AKAP13: variants seen among roughly 807,000 people sequenced by gnomAD.
The protein encoded by AKAP13 is A-kinase anchor protein 13.
Under a neutral mutation model 264.5 loss-of-function variants are expected in AKAP13, and 80 were observed. That is an observed-to-expected ratio of 0.30 (90% CI 0.25 to 0.36). AKAP13 has a LOEUF of 0.36. AKAP13 is among the 10% of genes least tolerant of loss of function. The pLI is 1.00. For missense variants in AKAP13, 3,712 were observed against 3,435.2 expected, an observed-to-expected ratio of 1.08 and a Z score of -2.01; for synonymous variants, 1,380 against 1,250.2, an observed-to-expected ratio of 1.10 and a Z score of -2.19.
chr15:85,676,535 A>C (rs933929401), intron 14 of AKAP13, among the ~76,000 whole-genome samples: 1 of 152,334 alleles, frequency 6.6e-6, no homozygotes, highest in African/African-American at 2.4e-5. Flanking sequence ...GAATGAGCCT[A>C]GATCTAAACA....
intron 31 of AKAP13, 139 bp downstream of exon 31, chr15:85,735,289 T>C: frequency 8.3e-7 from 1 of 1,209,580 alleles, no homozygotes; most frequent in Non-Finnish European, 1.1e-6. Flanking sequence ...ACTCAAGAGC[T>C]TGTCAGTCAG....
intron 14 of AKAP13, among the ~76,000 whole-genome samples, chr15:85,678,434 A>G (rs906752772): frequency 6.6e-6 from 1 of 152,216 alleles, no homozygotes; most frequent in African/African-American, 2.4e-5. Flanking sequence ...AGGATTTGGT[A>G]TATTTTTCAC....
intron 13 of AKAP13, among the ~76,000 whole-genome samples, chr15:85,668,492 G>C (rs746398849): frequency 6.6e-6 from 1 of 152,210 alleles, no homozygotes; most frequent in African/African-American, 2.4e-5. Flanking sequence ...AATTTACTGA[G>C]AGAGTTAAAT....
intron 34 of AKAP13, among the ~76,000 whole-genome samples, chr15:85,740,777 C>CG (rs200828623): frequency 3.9e-5 from 1 of 25,382 alleles, no homozygotes; most frequent in Non-Finnish European, 1.7e-4. Flanking sequence ...ACACAACCAC[C>CG]CCCCCCCCCA....
At chr15:85,462,889 T>G (rs2074571487) in intron 1 of AKAP13, among the ~76,000 whole-genome samples, 1 of 149,568 alleles carries the variant, frequency 6.7e-6, no homozygotes, top group Non-Finnish European at 1.5e-5. Flanking sequence ...CCGGGCGTAG[T>G]GGCGGGCACC....
In AKAP13 at chr15:85,718,119, G is replaced by A. The variant is rs774538190; in HGVS notation, c.5961G>A (p.Gln1987=). The A allele has an allele frequency of 6.2e-7, 1 of 1,614,148 alleles. No homozygotes were observed. The highest frequency in any genetic ancestry group is 1.1e-5 in the South Asian group (1 of 91,088). Reference sequence around the variant, plus strand: ...TAATAGACAGCAAGTTTCTAAAACAGCAAAAGAAAGATGTGGTCAAACGGC... The same window carrying A: ...TAATAGACAGCAAGTTTCTAAAACAACAAAAGAAAGATGTGGTCAAACGGC... The part of the protein sequence containing the change: ...SRIIDSKFLK[Q]QKKDVVKRQE... Residue 1987 remains glutamine (Q), a synonymous_variant, in exon 22 of 37, where the codon CAG becomes CAA. Coordinates refer to ENST00000394518, the MANE Select transcript of AKAP13 (RefSeq NM_007200.5). This position sits in a 1 kb window ranked among gnomAD's most constrained non-coding sequence, Gnocchi z 4.9.
chr15:85,480,612 T>G lies in AKAP13; in HGVS notation c.-11-5098T>G, dbSNP rs147020730. On this transcript the variant is annotated intron_variant, in intron 1 of 36. Coordinates refer to ENST00000394518, the MANE Select transcript of AKAP13 (RefSeq NM_007200.5). ...TTACTTTCCTGTATTGAGATGTAGGTGGTGGGGGTGGGGGGGTTAAGCTGA... is the reference window on the plus strand; with the variant it reads ...TTACTTTCCTGTATTGAGATGTAGGGGGTGGGGGTGGGGGGGTTAAGCTGA... 2.7e-3 allele frequency among the ~76,000 whole-genome samples: 342 copies of G among 124,770 alleles called. 12 individuals are homozygous for G. The East Asian group carries it at 0.064, about 23-fold the overall frequency. 81.9% of individuals were successfully genotyped at this position (124,770 alleles called of 152,430 possible).
chr15:85,462,714 T>TA (rs1271799581), intron 1 of AKAP13, among the ~76,000 whole-genome samples: 1 of 152,166 alleles, frequency 6.6e-6, no homozygotes, highest in Non-Finnish European at 1.5e-5. Context: ...ATAGAAACTG[T>TA]AAAAAAATTT....
chr15:85,479,156 G>A (rs1159803717), intron 1 of AKAP13, among the ~76,000 whole-genome samples: 1 of 152,190 alleles, frequency 6.6e-6, no homozygotes, highest in East Asian at 1.9e-4. Context: ...AACAGGAAAA[G>A]CGTATTTACT....
At chr15:85,413,050 C>G (rs1041090335) in intron 1 of AKAP13, among the ~76,000 whole-genome samples, 2 of 152,208 alleles carry the variant, frequency 1.3e-5, no homozygotes, top group South Asian at 2.1e-4. Flanking sequence ...AAAGCCTGCG[C>G]TTTTCATCAG....
chr15:85,575,180 C>G lies in AKAP13; in HGVS notation c.712C>G (p.Pro238Ala). ...CTGGAGCAGTTTATCCTATGAAATACCGTATGGAGACTGTTCTGTGAGGCA... is the reference window on the plus strand; with the variant it reads ...CTGGAGCAGTTTATCCTATGAAATAGCGTATGGAGACTGTTCTGTGAGGCA... The part of the protein sequence containing the change: ...DSWSSLSYEI[P>A]YGDCSVRHHR... Residue 238 changes from proline to alanine, a missense_variant, in exon 6 of 37, where the codon CCG becomes GCG. This residue lies in a region of AKAP13 where 2,759 missense variants were observed against 2,411.7 expected (regional missense o/e 1.14). Coordinates refer to ENST00000394518, the MANE Select transcript of AKAP13 (RefSeq NM_007200.5). 1 of 1,614,088 alleles carries G rather than the reference C, an allele frequency of 6.2e-7. No homozygotes were observed. The highest frequency in any genetic ancestry group is 8.5e-7 in the Non-Finnish European group (1 of 1,180,014).
At chr15:85,706,876 G>A (rs775845429) in intron 17 of AKAP13, among the ~76,000 whole-genome samples, 1 of 152,172 alleles carries the variant, frequency 6.6e-6, no homozygotes, top group Non-Finnish European at 1.5e-5. Flanking sequence ...TGTTACAAAA[G>A]GCATGGAATA....
In AKAP13 at chr15:85,606,090, C is replaced by CTTTTTTTTTTTTT. The variant is rs369008646; in HGVS notation, c.4161+20281_4161+20293dup. 6.7e-3 allele frequency among the ~76,000 whole-genome samples: 587 copies of CTTTTTTTTTTTTT among 88,184 alleles called. 57 individuals carry two copies. Among genetic ancestry groups the CTTTTTTTTTTTTT allele is most frequent in the East Asian group, 0.012 (23 of 1,888 alleles). 57.9% of individuals were successfully genotyped at this position (88,184 alleles called of 152,430 possible). ...AGATTTTCTGCACTGGTTTGATCTACTTTTTTTTTTTTTTTTTTTTTTTTT... is the reference window on the plus strand; with the variant it reads ...AGATTTTCTGCACTGGTTTGATCTACTTTTTTTTTTTTTTTTTTTTTTTTTTTTTTTTTTTTTT... On this transcript the variant is annotated intron_variant, in intron 8 of 36. Coordinates refer to ENST00000394518, the MANE Select transcript of AKAP13 (RefSeq NM_007200.5).
Position 85,650,776 on chromosome 15 carries a change from A to C in AKAP13, c.4375-4641A>C, listed in dbSNP as rs868117713. On this transcript the variant is annotated intron_variant, in intron 10 of 36. Transcript: ENST00000394518. ...ATCTCAAAAAAAAAAAAAAAAAAAAAAAAAAAAAAAAAAACAACAAAAACT... is the reference window on the plus strand; with the variant it reads ...ATCTCAAAAAAAAAAAAAAAAAAAACAAAAAAAAAAAAAACAACAAAAACT... Among the ~76,000 whole-genome samples, 1,334 of 142,760 alleles carry C rather than the reference A, an allele frequency of 9.3e-3. 35 individuals are homozygous for C. Among genetic ancestry groups the C allele is most frequent in the African/African-American group, 0.033 (1,250 of 37,430 alleles). The allele number at this position is 142,760 out of a possible 152,430, so 93.7% of individuals were successfully genotyped here. A position where few individuals can be genotyped will look rare whatever the true frequency, so the allele number is the denominator to read the frequency against.
chr15:85,662,362 G>T, intron 12 of AKAP13: 1 of 1,613,056 alleles, frequency 6.2e-7, no homozygotes, highest in Non-Finnish European at 8.5e-7. Flanking sequence ...CTGCATTTCT[G>T]TTTCTGTCTT....
chr15:85,707,992 G>A (rs1464433181), intron 17 of AKAP13, 27 bp from the exon 18 acceptor site: 6 of 1,612,668 alleles, frequency 3.7e-6, no homozygotes, highest in Admixed American at 1.7e-5. Flanking sequence ...CTTTGTCCAT[G>A]TGACCTTGGG....
intron 5 of AKAP13, among the ~76,000 whole-genome samples, chr15:85,546,321 A>AATAC (rs375341311): frequency 0.13 from 18,667 of 145,250 alleles, 1,390 homozygotes; most frequent in East Asian, 0.28. Context: ...GTTGTTACCA[A>AATAC]ACACACACAC....
Position 85,718,988 on chromosome 15 carries a change from A to G in AKAP13, c.6002-88A>G. The G allele has an allele frequency of 1.3e-6, 2 of 1,551,328 alleles. No individual in the cohort carries two copies. The highest frequency in any genetic ancestry group is 8.7e-7 in the Non-Finnish European group (1 of 1,148,506). ...TTTTAAGGTTCAAATTGGGCTCTAA[A>G]CTAGCTTTGGGACTGCAGCAGATGA... On this transcript the variant is annotated intron_variant, in intron 22 of 36. Coordinates refer to ENST00000394518, the MANE Select transcript of AKAP13 (RefSeq NM_007200.5). This position sits in a 1 kb window ranked among gnomAD's most constrained non-coding sequence, Gnocchi z 4.9.
intron 10 of AKAP13, among the ~76,000 whole-genome samples, chr15:85,647,109 C>A (rs1051535807): frequency 2.6e-5 from 4 of 152,090 alleles, no homozygotes; most frequent in Admixed American, 2.6e-4. Context: ...GTAGAAGTTA[C>A]AAGAATAGGC....
Sources: allele counts gnomAD v4.1 joint callset (sites outside exome capture counted in the v4.1 genomes callset), GRCh38; gene constraint gnomAD v4.1.1; regional missense constraint gnomAD v4.1.1; non-coding constraint Gnocchi (gnomAD v3.1); transcripts MANE v1.5; gene names NCBI Gene and HGNC (gene_info 2026-07-23, HGNC 2026-07-21).